Variants in CMPK1 observed in about 807,000 individuals in gnomAD.
The protein encoded by CMPK1 is cytidine/uridine monophosphate kinase 1.
In CMPK1, 10 loss-of-function variants were observed where a neutral mutation model predicts 25.7. That is an observed-to-expected ratio of 0.39 (90% CI 0.24 to 0.66). The LOEUF (loss-of-function observed/expected upper bound fraction) is 0.66, where lower values mean the gene tolerates loss of function less well. CMPK1 is among the 30% of genes least tolerant of loss of function. The pLI is 0.48. For synonymous variants in CMPK1, 106 were observed against 101.5 expected (o/e 1.04, Z -0.27); for missense variants, 199 against 280.5 (o/e 0.71, Z 2.08).
rs988509778 is a variant in CMPK1 at position 47,368,761 on chromosome 1, A to G, written c.318+146A>G. On this transcript the variant is annotated intron_variant, in intron 2 of 5. Transcript: ENST00000371873. ...GATCACTTGAGGCCAGGAATTCAAG[A>G]CCAGCCTGGACAACCTAGTGAAACC... 4 of 718,330 alleles carry G rather than the reference A, an allele frequency of 5.6e-6. No homozygotes were observed. In the South Asian group the frequency reaches 1.4e-4, roughly 25 times the overall value. 44.5% of individuals were successfully genotyped at this position (718,330 alleles called of 1,614,324 possible).
chr1:47,375,800 G>C (rs11584518), intron 5 of CMPK1, among the ~76,000 whole-genome samples: 40,783 of 152,014 alleles, frequency 0.27, 5,738 homozygotes, highest in Non-Finnish European at 0.31. Context: ...CATAAATAGC[G>C]ATCTCTAAAT....
chr1:47,334,803 TC>T, intron 1 of CMPK1, among the ~76,000 whole-genome samples: 1 of 152,334 alleles, frequency 6.6e-6, no homozygotes, highest in Middle Eastern at 3.4e-3. Context: ...TGCTGCCAAC[TC>T]ACGCTCGGCC....
chr1:47,363,053 GA>G (rs1646614510), intron 1 of CMPK1, among the ~76,000 whole-genome samples: 1 of 152,142 alleles, frequency 6.6e-6, no homozygotes, highest in Non-Finnish European at 1.5e-5. Context: ...ATTTTTTCTG[GA>G]AAATCCTTAT....
At chr1:47,339,017 G>A (rs78596692) in intron 1 of CMPK1, among the ~76,000 whole-genome samples, 3,186 of 151,050 alleles carry the variant, frequency 0.021, 128 homozygotes, top group African/African-American at 0.074. Flanking sequence ...TTATAACCAT[G>A]CCAAATTGCT....
rs1269241960 is a variant in CMPK1 at position 47,378,216 on chromosome 1, A to C, written c.*1471A>C. 1 of 152,182 alleles carries C rather than the reference A, an allele frequency of 6.6e-6. No individual in the cohort carries two copies. The highest frequency in any genetic ancestry group is 1.5e-5 in the Non-Finnish European group (1 of 68,032). The allele number at this position is 152,182 out of a possible 1,614,324, so 9.4% of individuals were successfully genotyped here. A position where few individuals can be genotyped will look rare whatever the true frequency, so the allele number is the denominator to read the frequency against. On this transcript the variant is annotated 3_prime_UTR_variant, in exon 6 of 6. Transcript: ENST00000371873. Reference sequence around the variant, plus strand: ...TTTTTCAACATACTTGCCATTAGAAAACAAAGTATTGCTAAGTACTATAAC... The same window carrying C: ...TTTTTCAACATACTTGCCATTAGAACACAAAGTATTGCTAAGTACTATAAC...
chr1:47,352,999 A>G (rs115243772), intron 1 of CMPK1, among the ~76,000 whole-genome samples: 9 of 152,310 alleles, frequency 5.9e-5, no homozygotes, highest in African/African-American at 9.6e-5. Flanking sequence ...TCACACTTCT[A>G]TTAGCACAGG....
chr1:47,352,931 A>C (rs1646533166), intron 1 of CMPK1, among the ~76,000 whole-genome samples: 1 of 152,182 alleles, frequency 6.6e-6, no homozygotes, highest in African/African-American at 2.4e-5. Context: ...TATGAAGGTA[A>C]ATTTTATACC....
At chr1:47,367,183 CTAA>C (rs1646645148) in intron 1 of CMPK1, among the ~76,000 whole-genome samples, 1 of 152,160 alleles carries the variant, frequency 6.6e-6, no homozygotes, top group Non-Finnish European at 1.5e-5. Context: ...ACCATTTCTT[CTAA>C]TGGAAGGTCC....
chr1:47,377,166 T>G lies in CMPK1; in HGVS notation c.*421T>G, dbSNP rs1015330496. On this transcript the variant is annotated 3_prime_UTR_variant, in exon 6 of 6. Coordinates refer to ENST00000371873, the MANE Select transcript of CMPK1 (RefSeq NM_016308.3). ...CCTTAAGTGAATTTGTGGACCAAAT[T>G]TCAAAGGAACTTTTTGTGTAGTCAG... The G allele has an allele frequency of 3.9e-5, 6 of 153,464 alleles. No individual in the cohort carries two copies. The highest frequency in any genetic ancestry group is 1.4e-4 in the African/African-American group (6 of 41,494). The allele number at this position is 153,464 out of a possible 1,614,324, so 9.5% of individuals were successfully genotyped here.
At chr1:47,371,550 G>A (rs977634512) in intron 2 of CMPK1, among the ~76,000 whole-genome samples, 7 of 151,984 alleles carry the variant, frequency 4.6e-5, no homozygotes, top group South Asian at 2.1e-4. Context: ...TTATGACAGC[G>A]TCTCTTTTTC....
intron 1 of CMPK1, among the ~76,000 whole-genome samples, chr1:47,361,217 T>C (rs982056519): frequency 2.0e-5 from 3 of 152,068 alleles, no homozygotes; most frequent in Admixed American, 2.0e-4. Flanking sequence ...GGTGAAACCC[T>C]GTCTTTACTA....
intron 1 of CMPK1, among the ~76,000 whole-genome samples, chr1:47,340,438 C>T (rs1646433139): frequency 6.6e-6 from 1 of 152,106 alleles, no homozygotes; most frequent in Non-Finnish European, 1.5e-5. Context: ...CCCAGCCTGT[C>T]TTCCTCAGAT....
chr1:47,368,776 C>G (rs1276090439), intron 2 of CMPK1, among the ~76,000 whole-genome samples, 161 bp downstream of exon 2: 3 of 152,082 alleles, frequency 2.0e-5, no homozygotes, highest in Non-Finnish European at 4.4e-5. Context: ...CCTGGACAAC[C>G]TAGTGAAACC....
At chr1:47,368,382 A>G (rs1646653860) in intron 1 of CMPK1, 87 bp from the exon 2 acceptor site, 2 of 1,097,288 alleles carry the variant, frequency 1.8e-6, no homozygotes, top group Admixed American at 3.1e-5. Flanking sequence ...AAATTAGAAT[A>G]TAGAAATTAA....
At chr1:47,354,611 T>G (rs1646546368) in intron 1 of CMPK1, among the ~76,000 whole-genome samples, 1 of 149,780 alleles carries the variant, frequency 6.7e-6, no homozygotes, top group South Asian at 2.1e-4. Context: ...TTTTTTTTTT[T>G]TTTTTTTGCT....
At chr1:47,353,595 A>T (rs984393278) in intron 1 of CMPK1, among the ~76,000 whole-genome samples, 1 of 152,040 alleles carries the variant, frequency 6.6e-6, no homozygotes, top group Non-Finnish European at 1.5e-5. Context: ...TTTTAATACC[A>T]TATGGTGGTT....
intron 2 of CMPK1, among the ~76,000 whole-genome samples, chr1:47,371,372 C>G (rs1362338642): frequency 6.6e-6 from 1 of 152,110 alleles, no homozygotes; most frequent in Non-Finnish European, 1.5e-5. Flanking sequence ...TCTACTTTTC[C>G]ACTCTCTACT....
chr1:47,375,383 T>G, intron 5 of CMPK1, 90 bp downstream of exon 5: 1 of 837,812 alleles, frequency 1.2e-6, no homozygotes, highest in Non-Finnish European at 1.9e-6. Flanking sequence ...AGAAATACTA[T>G]CACAGATTAG....
chr1:47,347,963 G>A (rs1398281315), intron 1 of CMPK1, among the ~76,000 whole-genome samples: 1 of 152,142 alleles, frequency 6.6e-6, no homozygotes, highest in Non-Finnish European at 1.5e-5. Flanking sequence ...ACTATCTTGT[G>A]TTCACTTAGT....
Sources: gnomAD v4.1 joint callset for allele counts (sites outside exome capture counted in the v4.1 genomes callset) on GRCh38, gnomAD v4.1.1 for gene constraint, MANE v1.5 for transcripts, NCBI Gene and HGNC (gene_info 2026-07-23, HGNC 2026-07-21) for gene names.